MTHFD1: variants seen among roughly 807,000 people sequenced by gnomAD.
The protein encoded by MTHFD1 is methylenetetrahydrofolate dehydrogenase, cyclohydrolase and formyltetrahydrofolate synthetase 1, also known as C-1-tetrahydrofolate synthase, cytoplasmic.
MTHFD1 carries 44 observed loss-of-function variants against 110.3 expected under a neutral mutation model. That is an observed-to-expected ratio of 0.40 (90% CI 0.31 to 0.51). The LOEUF is 0.51. Ranked by LOEUF, MTHFD1 falls within the 20% of genes least tolerant of loss-of-function variation. The probability of loss-of-function intolerance (pLI) is 0.60; values close to 1 mark genes in which losing one functional copy is unlikely to be tolerated. For missense variants in MTHFD1, 909 were observed against 1,173.1 expected, an observed-to-expected ratio of 0.77 and a Z score of 3.29; for synonymous variants, 402 against 428.8, an observed-to-expected ratio of 0.94 and a Z score of 0.77.
chr14:64,403,843 G>A (rs867964335), intron 2 of MTHFD1, among the ~76,000 whole-genome samples: 1 of 152,118 alleles, frequency 6.6e-6, no homozygotes, highest in Non-Finnish European at 1.5e-5. Flanking sequence ...CACTGTGCTC[G>A]GCCAAGTTGA....
intron 15 of MTHFD1, among the ~76,000 whole-genome samples, chr14:64,433,374 C>T (rs542510186): frequency 9.9e-5 from 15 of 152,044 alleles, no homozygotes; most frequent in South Asian, 8.3e-4. Flanking sequence ...CCGCCTTGGC[C>T]TCTCAAAGTG....
At chr14:64,439,309 T>A in intron 17 of MTHFD1, 137 bp downstream of exon 17, 1 of 734,928 alleles carries the variant, frequency 1.4e-6, no homozygotes, top group Non-Finnish European at 2.5e-6. Flanking sequence ...TGGAAGTGAG[T>A]AGGTGTGTGG....
At chr14:64,452,037 TGTAA>T (rs2078381607) in intron 24 of MTHFD1, among the ~76,000 whole-genome samples, 1 of 152,236 alleles carries the variant, frequency 6.6e-6, no homozygotes, top group African/African-American at 2.4e-5. Context: ...TGGTCACACC[TGTAA>T]TCCCAGCACT....
intron 23 of MTHFD1, chr14:64,448,956 T>C (rs559628764): frequency 1.9e-4 from 43 of 229,016 alleles, no homozygotes; most frequent in South Asian, 1.8e-3. Flanking sequence ...CCTGCCACCA[T>C]GCCCAGCTAA....
intron 2 of MTHFD1, 143 bp downstream of exon 2, chr14:64,401,020 CT>C (rs2077891799): frequency 4.3e-6 from 3 of 692,462 alleles, no homozygotes; most frequent in Non-Finnish European, 7.8e-6. Flanking sequence ...AGGCTCCCCC[CT>C]TTGGCTCAGC....
At chr14:64,402,257 TC>T (rs1435036295) in intron 2 of MTHFD1, among the ~76,000 whole-genome samples, 22 of 152,322 alleles carry the variant, frequency 1.4e-4, no homozygotes, top group Admixed American at 1.3e-3. Flanking sequence ...AAATAATAGT[TC>T]CCGGAATTAT....
At chr14:64,435,035 T>C (rs2078194933) in intron 15 of MTHFD1, among the ~76,000 whole-genome samples, 1 of 139,108 alleles carries the variant, frequency 7.2e-6, no homozygotes, top group Non-Finnish European at 1.5e-5. Context: ...CTGCAACCTC[T>C]ACCTCCTGGG....
At position 64,417,656 on chromosome 14, in the gene MTHFD1, G is replaced by A. The variant is rs995014641; in HGVS notation, c.479-232G>A. On this transcript the variant is annotated intron_variant, in intron 6 of 27. Coordinates refer to ENST00000652337, the MANE Select transcript of MTHFD1 (RefSeq NM_005956.4). This position sits in a 1 kb window ranked among gnomAD's most constrained non-coding sequence, Gnocchi z 4.4. ...CCCTATGACTCAATGAATGATCTTG[G>A]CTTAAGCTGCTCCCAAAAACCCACG... is the stretch of plus-strand genomic sequence containing the variant. 6.6e-6 allele frequency among the ~76,000 whole-genome samples: 1 copy of A among 152,062 alleles called. No homozygotes were observed. The highest frequency in any genetic ancestry group is 1.5e-5 in the Non-Finnish European group (1 of 68,020).
At position 64,430,164 on chromosome 14, in the gene MTHFD1, A is replaced by G. The variant is rs1156647031; in HGVS notation, c.1265-20A>G. 2.5e-6 allele frequency: 4 copies of G among 1,613,004 alleles called. No homozygotes were observed. In the Admixed American group the frequency reaches 6.7e-5, roughly 27 times the overall value. Reference sequence around the variant, plus strand: ...GAGAAGCATGCTTAACTGAGCTTCCACCCTTGACCTGTCCCCTAGGTGGCG... The same window carrying G: ...GAGAAGCATGCTTAACTGAGCTTCCGCCCTTGACCTGTCCCCTAGGTGGCG... On this transcript the variant is annotated intron_variant, in intron 12 of 27. Coordinates refer to ENST00000652337, the MANE Select transcript of MTHFD1 (RefSeq NM_005956.4).
chr14:64,404,713 A>G (rs2077924121), intron 2 of MTHFD1, among the ~76,000 whole-genome samples: 2 of 152,226 alleles, frequency 1.3e-5, no homozygotes, highest in African/African-American at 4.8e-5. Context: ...GCTCATGCCT[A>G]TAATCCCAGC....
chr14:64,409,993 A>G (rs2077969534), intron 2 of MTHFD1, among the ~76,000 whole-genome samples: 3 of 152,222 alleles, frequency 2.0e-5, no homozygotes, highest in South Asian at 2.1e-4. Flanking sequence ...ACCCTCTGCA[A>G]TTCTGGGAGA....
chr14:64,419,687 C>T, intron 7 of MTHFD1, 127 bp from the exon 8 acceptor site: 1 of 736,092 alleles, frequency 1.4e-6, no homozygotes, highest in Non-Finnish European at 2.4e-6. Context: ...AACCCAATAT[C>T]TTATGAAATA....
intron 1 of MTHFD1, among the ~76,000 whole-genome samples, chr14:64,392,167 A>T (rs2077811417): frequency 6.6e-6 from 1 of 152,240 alleles, no homozygotes; most frequent in African/African-American, 2.4e-5. Flanking sequence ...CCTGTGCCAT[A>T]GACCTTTGTC....
intron 12 of MTHFD1, among the ~76,000 whole-genome samples, chr14:64,428,027 T>A (rs1390210531): frequency 1.3e-5 from 2 of 152,034 alleles, no homozygotes; most frequent in Non-Finnish European, 2.9e-5. Flanking sequence ...CTTCCATGTC[T>A]ATTTCAAGCT....
At chr14:64,414,813 C>G (rs2078013407) in intron 4 of MTHFD1, among the ~76,000 whole-genome samples, 1 of 151,976 alleles carries the variant, frequency 6.6e-6, no homozygotes, top group African/African-American at 2.4e-5. Context: ...CCTCAGCCTC[C>G]CGAGTAGCTA....
intron 2 of MTHFD1, among the ~76,000 whole-genome samples, chr14:64,410,166 T>A (rs1196177728): frequency 6.6e-6 from 1 of 152,138 alleles, no homozygotes; most frequent in African/African-American, 2.4e-5. Flanking sequence ...AGTGAGACAC[T>A]GCATGGTGGT....
intron 1 of MTHFD1, among the ~76,000 whole-genome samples, chr14:64,399,814 C>T (rs912420203): frequency 2.0e-5 from 3 of 152,016 alleles, no homozygotes; most frequent in East Asian, 1.9e-4. Flanking sequence ...CTTGCTCTAT[C>T]GTCCAGGCTG....
intron 1 of MTHFD1, among the ~76,000 whole-genome samples, chr14:64,393,308 A>G (rs1180074453): frequency 6.6e-6 from 1 of 152,148 alleles, no homozygotes; most frequent in Non-Finnish European, 1.5e-5. Flanking sequence ...CTGAGACAGG[A>G]GAATGGCTTG....
At chr14:64,425,982 G>A in intron 10 of MTHFD1, 37 bp from the exon 11 acceptor site, 1 of 1,611,114 alleles carries the variant, frequency 6.2e-7, no homozygotes. Context: ...TAAACTCAGT[G>A]GATAAACATT....
Sources: gnomAD v4.1 joint callset for allele counts (sites outside exome capture counted in the v4.1 genomes callset) on GRCh38, gnomAD v4.1.1 for gene constraint, Gnocchi (gnomAD v3.1) non-coding constraint, MANE v1.5 for transcripts, NCBI Gene and HGNC (gene_info 2026-07-23, HGNC 2026-07-21) for gene names.